Variants in SSBP2 observed in about 807,000 individuals in gnomAD.
The protein encoded by SSBP2 is single-stranded DNA-binding protein 2.
In SSBP2, 17 loss-of-function variants were observed where a neutral mutation model predicts 61.8. That is an observed-to-expected ratio of 0.28 (90% CI 0.19 to 0.41). The LOEUF (loss-of-function observed/expected upper bound fraction) is 0.41, where lower values mean the gene tolerates loss of function less well. SSBP2 is among the 10% of genes least tolerant of loss of function. The pLI, the probability that SSBP2 is intolerant of heterozygous loss-of-function variation, is 1.00. For synonymous variants in SSBP2, 139 were observed against 141.3 expected (o/e 0.98, Z 0.12); for missense variants, 310 against 458.7 (o/e 0.68, Z 2.96).
intron 1 of SSBP2, among the ~76,000 whole-genome samples, chr5:81,726,087 A>T (rs1755870630): frequency 6.6e-6 from 1 of 152,216 alleles, no homozygotes; most frequent in African/African-American, 2.4e-5. Flanking sequence ...TAGTACGAAC[A>T]TCTATGTAGG....
At chr5:81,678,201 G>C (rs1752130015) in intron 1 of SSBP2, among the ~76,000 whole-genome samples, 1 of 152,124 alleles carries the variant, frequency 6.6e-6, no homozygotes, top group African/African-American at 2.4e-5. Flanking sequence ...TGTAAGAAGA[G>C]AGATGGAAAT....
intron 4 of SSBP2, among the ~76,000 whole-genome samples, chr5:81,603,194 T>C (rs769747132): frequency 1.3e-5 from 2 of 152,198 alleles, no homozygotes; most frequent in Non-Finnish European, 2.9e-5. Flanking sequence ...GACTCCATAA[T>C]GTCTGCTCAT....
intron 1 of SSBP2, among the ~76,000 whole-genome samples, chr5:81,708,645 C>T (rs1487746558): frequency 7.2e-6 from 1 of 139,576 alleles, no homozygotes; most frequent in East Asian, 2.1e-4. Context: ...CAGAGACAAC[C>T]AGAAAATTAA....
intron 1 of SSBP2, among the ~76,000 whole-genome samples, chr5:81,667,628 T>C (rs1384004590): frequency 6.6e-6 from 1 of 152,072 alleles, no homozygotes; most frequent in Non-Finnish European, 1.5e-5. Flanking sequence ...TACTTTACAG[T>C]ATCATTACTG....
Position 81,414,682 on chromosome 5 carries a change from A to G in SSBP2, c.*5822T>C, listed in dbSNP as rs1172509034. On this transcript the variant is annotated 3_prime_UTR_variant, in exon 17 of 17. Coordinates refer to ENST00000320672, the MANE Select transcript of SSBP2 (RefSeq NM_012446.5). ...TTATGCCCTTATCTTTAGATACAGTACCTTCAAAAGAAGGCCTAATGTGGA... is the reference window on the plus strand; with the variant it reads ...TTATGCCCTTATCTTTAGATACAGTGCCTTCAAAAGAAGGCCTAATGTGGA... 6.6e-6 allele frequency: 1 copy of G among 152,230 alleles called. No individual in the cohort carries two copies. The highest frequency in any genetic ancestry group is 2.4e-5 in the African/African-American group (1 of 41,460). The allele number at this position is 152,230 out of a possible 1,614,324, so 9.4% of individuals were successfully genotyped here.
chr5:81,432,519 G>A (rs1438113720), intron 15 of SSBP2, among the ~76,000 whole-genome samples: 4 of 152,160 alleles, frequency 2.6e-5, no homozygotes, highest in African/African-American at 7.2e-5. Flanking sequence ...GGCACAGCCA[G>A]GCAGATCACG....
intron 1 of SSBP2, among the ~76,000 whole-genome samples, chr5:81,730,369 C>T (rs1189982516): frequency 2.0e-5 from 3 of 152,090 alleles, no homozygotes; most frequent in East Asian, 3.9e-4. Context: ...GGATTACAGG[C>T]GCCCGCTACC....
In SSBP2 at chr5:81,418,295, G is replaced by A. The variant is rs1271110923; in HGVS notation, c.*2209C>T. ...AGGTTTCTGCAGCTTGACAGCATGA[G>A]GCTGTTCTCCGGTGTGCACTCCTAG... On this transcript the variant is annotated 3_prime_UTR_variant, in exon 17 of 17. Transcript: ENST00000320672. 6.6e-6 allele frequency: 1 copy of A among 152,218 alleles called. No individual in the cohort carries two copies. The highest frequency in any genetic ancestry group is 1.5e-5 in the Non-Finnish European group (1 of 68,044). The allele number at this position is 152,218 out of a possible 1,614,324, so 9.4% of individuals were successfully genotyped here.
At chr5:81,750,734 C>T (rs1322834507) in intron 1 of SSBP2, 2 of 541,726 alleles carry the variant, frequency 3.7e-6, no homozygotes, top group East Asian at 3.3e-5. Flanking sequence ...CCAGCACCAC[C>T]GCCGCCCCTC....
intron 6 of SSBP2, among the ~76,000 whole-genome samples, chr5:81,478,416 C>T (rs1181684629): frequency 6.6e-6 from 1 of 152,146 alleles, no homozygotes; most frequent in Non-Finnish European, 1.5e-5. Flanking sequence ...TCTCACCTCA[C>T]TGCAACTTCC....
chr5:81,547,036 C>CAAAAAA (rs61254614), intron 4 of SSBP2, among the ~76,000 whole-genome samples: 6,836 of 53,456 alleles, frequency 0.13, 810 homozygotes, highest in African/African-American at 0.26. Flanking sequence ...AAATCTTGGC[C>CAAAAAA]AAAAAAAAAA....
Position 81,662,838 on chromosome 5 carries a change from C to T in SSBP2, c.63-12499G>A, listed in dbSNP as rs574206031. 7.4e-4 allele frequency among the ~76,000 whole-genome samples: 113 copies of T among 152,064 alleles called. 1 individual carries two copies. The highest frequency in any genetic ancestry group is 2.7e-3 in the African/African-American group (111 of 41,532). ...AAAAAGAAAAAAAAGAAAATTACAA[C>T]TTCTAAGAAAGAAACCTGAATTCTT... On this transcript the variant is annotated intron_variant, in intron 1 of 16. Transcript: ENST00000320672.
At chr5:81,690,757 G>A (rs1753142186) in intron 1 of SSBP2, among the ~76,000 whole-genome samples, 1 of 152,036 alleles carries the variant, frequency 6.6e-6, no homozygotes, top group Admixed American at 6.6e-5. Flanking sequence ...TCATCCAATA[G>A]CTGCAGAATA....
chr5:81,586,426 C>T (rs1052505007), intron 4 of SSBP2, among the ~76,000 whole-genome samples: 1 of 151,840 alleles, frequency 6.6e-6, no homozygotes, highest in African/African-American at 2.4e-5. Flanking sequence ...AGTAGAAACA[C>T]TATTTGAAGT....
chr5:81,670,674 G>T (rs1175369137), intron 1 of SSBP2, among the ~76,000 whole-genome samples: 2 of 151,986 alleles, frequency 1.3e-5, no homozygotes, highest in African/African-American at 2.4e-5. Context: ...TTTCCTCCTC[G>T]CTTTACCACT....
At chr5:81,472,168 CT>C (rs1765290402) in intron 8 of SSBP2, among the ~76,000 whole-genome samples, 1 of 152,132 alleles carries the variant, frequency 6.6e-6, no homozygotes, top group Non-Finnish European at 1.5e-5. Flanking sequence ...ACATGTTAAT[CT>C]CTGACCCACG....
intron 4 of SSBP2, among the ~76,000 whole-genome samples, chr5:81,529,461 T>C (rs1770226244): frequency 6.6e-6 from 1 of 152,144 alleles, no homozygotes; most frequent in Non-Finnish European, 1.5e-5. Context: ...GTAGCTCAGG[T>C]CAGTTAAGTT....
chr5:81,748,015 T>C (rs1175102557), intron 1 of SSBP2, among the ~76,000 whole-genome samples: 2 of 152,146 alleles, frequency 1.3e-5, no homozygotes, highest in Non-Finnish European at 2.9e-5. Flanking sequence ...TATACTGAAA[T>C]TACAGGAATT....
chr5:81,516,028 C>T (rs368767586), intron 4 of SSBP2, among the ~76,000 whole-genome samples: 5 of 151,848 alleles, frequency 3.3e-5, no homozygotes, highest in East Asian at 3.9e-4. Context: ...CAGCATTCTA[C>T]TGAGGGAAGA....
Sources: gnomAD v4.1 joint callset for allele counts (sites outside exome capture counted in the v4.1 genomes callset) on GRCh38, gnomAD v4.1.1 for gene constraint, MANE v1.5 for transcripts, NCBI Gene and HGNC (gene_info 2026-07-23, HGNC 2026-07-21) for gene names.